NSMCE2: variants seen among roughly 807,000 people sequenced by gnomAD.
NSMCE2 encodes the protein NSE2 SUMO ligase component of SMC5/6 complex, also known as E3 SUMO-protein ligase NSE2.
Under a neutral mutation model 23.8 loss-of-function variants are expected in NSMCE2, and 24 were observed. The observed-to-expected ratio is 1.01, with a 90% confidence interval of 0.73 to 1.42. NSMCE2 has a LOEUF of 1.42. NSMCE2 is among the 40% of genes most tolerant of loss of function. The pLI, the probability that NSMCE2 is intolerant of heterozygous loss-of-function variation, is 0.00. For synonymous variants in NSMCE2, 92 were observed against 94.1 expected, an observed-to-expected ratio of 0.98 and a Z score of 0.13; for missense variants, 284 against 296.5, an observed-to-expected ratio of 0.96 and a Z score of 0.31.
intron 4 of NSMCE2, among the ~76,000 whole-genome samples, chr8:125,173,458 A>G (rs1311208458): frequency 6.6e-6 from 1 of 152,154 alleles, no homozygotes; most frequent in Admixed American, 6.5e-5. Flanking sequence ...ACCCTATCTA[A>G]TTTTATTTGG....
Position 125,140,300 on chromosome 8 carries a change from G to T in NSMCE2, c.158-10871G>T, listed in dbSNP as rs978101650. ...TTAATACAGCAAAATACCCCCATTT[G>T]TTAAGAGTCTCCTGTGTTGGAGGCC... On this transcript the variant is annotated intron_variant, in intron 3 of 7. Coordinates refer to ENST00000287437, the MANE Select transcript of NSMCE2 (RefSeq NM_173685.4). Among the ~76,000 whole-genome samples, 7 of 152,178 alleles carry T rather than the reference G, an allele frequency of 4.6e-5. No individual in the cohort carries two copies. In the East Asian group the frequency reaches 1.3e-3, roughly 29 times the overall value.
chr8:125,345,776 T>C lies in NSMCE2; in HGVS notation c.419-11443T>C, dbSNP rs985148263. On this transcript the variant is annotated intron_variant, in intron 5 of 7. Transcript: ENST00000287437. The stretch of plus-strand genomic sequence containing the variant: ...AACTGTAGTCAGTCTGGGATGGATA[T>C]GGGGGATAGGATTGAAGTGAGTAGA... 2.0e-5 allele frequency among the ~76,000 whole-genome samples: 3 copies of C among 152,208 alleles called. No homozygotes were observed. The East Asian group carries it at 5.8e-4, about 29-fold the overall frequency.
chr8:125,095,611 G>A (rs1312155872), intron 1 of NSMCE2, among the ~76,000 whole-genome samples: 1 of 150,716 alleles, frequency 6.6e-6, no homozygotes, highest in Non-Finnish European at 1.5e-5. Flanking sequence ...AAAGAAAACC[G>A]AGGCCAGGGG....
intron 4 of NSMCE2, among the ~76,000 whole-genome samples, chr8:125,158,127 C>T (rs930482367): frequency 6.6e-6 from 1 of 152,118 alleles, no homozygotes; most frequent in South Asian, 2.1e-4. Context: ...CCTAATTTTA[C>T]GAAGGAGGCT....
intron 5 of NSMCE2, among the ~76,000 whole-genome samples, chr8:125,225,434 C>T (rs975194304): frequency 6.6e-6 from 1 of 152,200 alleles, no homozygotes; most frequent in Admixed American, 6.5e-5. Context: ...AGCCCTGCAG[C>T]TCTCATTTCA....
intron 5 of NSMCE2, among the ~76,000 whole-genome samples, chr8:125,263,997 A>C (rs1285278427): frequency 6.6e-6 from 1 of 152,234 alleles, no homozygotes; most frequent in Non-Finnish European, 1.5e-5. Flanking sequence ...TGTCTCAGAT[A>C]GATGGCTCCT....
chr8:125,365,839 A>G (rs1405381145), intron 7 of NSMCE2, among the ~76,000 whole-genome samples: 2 of 152,156 alleles, frequency 1.3e-5, no homozygotes, highest in African/African-American at 4.8e-5. Flanking sequence ...CCTGGGTGAA[A>G]GAGTGAGACT....
At chr8:125,141,949 G>A (rs753159701) in intron 3 of NSMCE2, among the ~76,000 whole-genome samples, 1 of 152,154 alleles carries the variant, frequency 6.6e-6, no homozygotes, top group East Asian at 1.9e-4. Flanking sequence ...GAGGGGTATG[G>A]TGTTTACAGT....
intron 1 of NSMCE2, among the ~76,000 whole-genome samples, chr8:125,100,906 T>A (rs902815720): frequency 6.6e-6 from 1 of 152,184 alleles, no homozygotes; most frequent in African/African-American, 2.4e-5. Flanking sequence ...TGGCTCATGA[T>A]AGGTTTTCAT....
intron 5 of NSMCE2, among the ~76,000 whole-genome samples, chr8:125,249,446 A>G (rs1826119637): frequency 6.6e-6 from 1 of 152,158 alleles, no homozygotes; most frequent in African/African-American, 2.4e-5. Flanking sequence ...GTTCATGGGG[A>G]GTGTTCGGGA....
At chr8:125,263,797 A>C (rs1826801503) in intron 5 of NSMCE2, among the ~76,000 whole-genome samples, 3 of 151,684 alleles carry the variant, frequency 2.0e-5, no homozygotes, top group Admixed American at 2.0e-4. Flanking sequence ...ACCTAGAATA[A>C]ATTTAATCTG....
At chr8:125,290,913 A>G (rs1475038817) in intron 5 of NSMCE2, among the ~76,000 whole-genome samples, 2 of 152,224 alleles carry the variant, frequency 1.3e-5, no homozygotes, top group Non-Finnish European at 2.9e-5. Flanking sequence ...GTGTACCATG[A>G]GGTCAGGCAC....
At chr8:125,272,578 T>C (rs896595597) in intron 5 of NSMCE2, among the ~76,000 whole-genome samples, 2 of 151,562 alleles carry the variant, frequency 1.3e-5, no homozygotes, top group African/African-American at 4.9e-5. Context: ...AACAGACCAG[T>C]CAGTCATTGT....
At chr8:125,097,378 A>C (rs1166732255) in intron 1 of NSMCE2, among the ~76,000 whole-genome samples, 1 of 152,182 alleles carries the variant, frequency 6.6e-6, no homozygotes, top group African/African-American at 2.4e-5. Context: ...GGCTGTCTAC[A>C]CTATATTCCC....
chr8:125,233,263 A>G (rs1586648245), intron 5 of NSMCE2, among the ~76,000 whole-genome samples: 2 of 152,372 alleles, frequency 1.3e-5, no homozygotes, highest in South Asian at 4.1e-4. Context: ...TTTAGAAGTC[A>G]AAATCCACTT....
At chr8:125,161,296 C>T (rs866831468) in intron 4 of NSMCE2, among the ~76,000 whole-genome samples, 2 of 151,294 alleles carry the variant, frequency 1.3e-5, no homozygotes, top group African/African-American at 4.9e-5. Context: ...TCTGGACTTC[C>T]TTTTTTAAAA....
chr8:125,169,075 A>G (rs943853671), intron 4 of NSMCE2, among the ~76,000 whole-genome samples: 2 of 152,142 alleles, frequency 1.3e-5, no homozygotes, highest in Non-Finnish European at 2.9e-5. Flanking sequence ...CCTCTCTGCT[A>G]TTGACAACTG....
At chr8:125,316,811 C>T (rs539171016) in intron 5 of NSMCE2, among the ~76,000 whole-genome samples, 17 of 142,656 alleles carry the variant, frequency 1.2e-4, no homozygotes, top group East Asian at 1.0e-3. Context: ...TTTCCTCTTG[C>T]TCTGTTGCCA....
intron 1 of NSMCE2, among the ~76,000 whole-genome samples, chr8:125,101,728 A>C (rs959362106): frequency 1.3e-5 from 2 of 152,218 alleles, no homozygotes; most frequent in Non-Finnish European, 2.9e-5. Flanking sequence ...AAACTGTTAT[A>C]GTGGATGTGC....
Sources: gnomAD v4.1 joint callset for allele counts (sites outside exome capture counted in the v4.1 genomes callset) on GRCh38, gnomAD v4.1.1 for gene constraint, MANE v1.5 for transcripts, NCBI Gene and HGNC (gene_info 2026-07-23, HGNC 2026-07-21) for gene names.